PTPN1: variants seen among roughly 807,000 people sequenced by gnomAD.
The protein encoded by PTPN1 is tyrosine-protein phosphatase non-receptor type 1.
Under a neutral mutation model 59.9 loss-of-function variants are expected in PTPN1, and 12 were observed. That is an observed-to-expected ratio of 0.20 (90% CI 0.13 to 0.32). The LOEUF (loss-of-function observed/expected upper bound fraction) is 0.32. Among genes scored for constraint, PTPN1 ranks in the 10% least tolerant of loss-of-function variants. The pLI, the probability that PTPN1 is intolerant of heterozygous loss-of-function variation, is 1.00. For synonymous variants in PTPN1, 178 were observed against 203.6 expected (o/e 0.87, Z 1.07); for missense variants, 356 against 549.2 (o/e 0.65, Z 3.52).
chr20:50,547,605 G>T (rs149997336), intron 1 of PTPN1, among the ~76,000 whole-genome samples: 2 of 152,040 alleles, frequency 1.3e-5, no homozygotes, highest in South Asian at 2.1e-4. Context: ...CTTGTGATCC[G>T]CCTGCCTCGG....
chr20:50,580,063 G>A (rs1403456764), intron 8 of PTPN1, 137 bp downstream of exon 8: 5 of 781,678 alleles, frequency 6.4e-6, no homozygotes, highest in East Asian at 2.7e-5. Context: ...GGAACAGGGC[G>A]CGTGGACCAC....
rs762446257 is a variant in PTPN1 at position 50,574,608 on chromosome 20, T to G, written c.446T>G (p.Ile149Ser). 1.9e-6 allele frequency: 3 copies of G among 1,608,182 alleles called. No homozygotes were observed. The highest frequency in any genetic ancestry group is 1.7e-5 in the Admixed American group (1 of 58,522). The change falls in exon 5 of 10, where the codon ATC becomes AGC. Residue 149 changes from isoleucine to serine, a missense_variant. Ile to Ser is a moderately radical substitution (Grantham distance 142). This residue lies in a region of PTPN1 where 194 missense variants were observed against 344.2 expected (regional missense o/e 0.56). Transcript: ENST00000371621. ...NLKLTLISEDIKSYYTVRQLE... is the reference protein window; with the variant it reads ...NLKLTLISEDSKSYYTVRQLE... ...AAATTAACATTGATCTCTGAAGATATCAAGTCATATTATACAGTGCGACAG... is the reference window on the plus strand; with the variant it reads ...AAATTAACATTGATCTCTGAAGATAGCAAGTCATATTATACAGTGCGACAG...
intron 6 of PTPN1, among the ~76,000 whole-genome samples, chr20:50,578,834 T>A (rs1231749205): frequency 1.3e-5 from 2 of 152,236 alleles, no homozygotes; most frequent in African/African-American, 4.8e-5. Flanking sequence ...TTCTGCAGGC[T>A]GTACAAGCAT....
At chr20:50,529,037 T>C (rs2082589681) in intron 1 of PTPN1, among the ~76,000 whole-genome samples, 1 of 152,220 alleles carries the variant, frequency 6.6e-6, no homozygotes, top group Non-Finnish European at 1.5e-5. Context: ...GTGCCTTGCA[T>C]GGAATTGGAC....
At chr20:50,564,927 GC>G (rs1262175111) in intron 2 of PTPN1, 41 bp from the exon 3 acceptor site, 1 of 1,611,234 alleles carries the variant, frequency 6.2e-7, no homozygotes, top group Non-Finnish European at 8.5e-7. Context: ...TACACATTCA[GC>G]TTTTCCGGGA....
chr20:50,562,418 C>T (rs79368846), intron 2 of PTPN1, among the ~76,000 whole-genome samples: 2,345 of 152,202 alleles, frequency 0.015, 37 homozygotes, highest in Non-Finnish European at 0.018. Context: ...TGGTGTAGAA[C>T]GTGTGCCTCT....
At chr20:50,571,220 T>G (rs1487141685) in intron 4 of PTPN1, 1 of 152,292 alleles carries the variant, frequency 6.6e-6, no homozygotes, top group Admixed American at 6.5e-5. Flanking sequence ...GTGACAACCT[T>G]TCCCTTTGGG....
At chr20:50,545,847 C>G (rs181934758) in intron 1 of PTPN1, among the ~76,000 whole-genome samples, 47 of 151,768 alleles carry the variant, frequency 3.1e-4, no homozygotes, top group Non-Finnish European at 2.2e-4. Context: ...GAGACCCCCC[C>G]TCCCCCCGTC....
At position 50,582,028 on chromosome 20, in the gene PTPN1, C is replaced by T. The variant is rs1479727995; in HGVS notation, c.1284+568C>T. Among the ~76,000 whole-genome samples the T allele has an allele frequency of 6.6e-6, 1 of 152,234 alleles. No homozygotes were observed. The highest frequency in any genetic ancestry group is 1.5e-5 in the Non-Finnish European group (1 of 68,036). ...CAAGCCCCCCTCAGCTGTGTGCACACTGAGCCAGGACAGGGTCTTTGAGCT... is the reference window on the plus strand; with the variant it reads ...CAAGCCCCCCTCAGCTGTGTGCACATTGAGCCAGGACAGGGTCTTTGAGCT... On this transcript the variant is annotated intron_variant, in intron 9 of 9. Coordinates refer to ENST00000371621, the MANE Select transcript of PTPN1 (RefSeq NM_002827.4). The surrounding 1 kb of genome is among the most constrained non-coding windows in gnomAD (Gnocchi z 4.2).
At chr20:50,541,995 A>G (rs1601398063) in intron 1 of PTPN1, among the ~76,000 whole-genome samples, 1 of 152,292 alleles carries the variant, frequency 6.6e-6, no homozygotes, top group African/African-American at 2.4e-5. Context: ...TTCCCCTCTG[A>G]TCAGTACTTT....
At chr20:50,535,224 GGGTGTTACCTCCA>G (rs2082619214) in intron 1 of PTPN1, among the ~76,000 whole-genome samples, 1 of 152,152 alleles carries the variant, frequency 6.6e-6, no homozygotes, top group Admixed American at 6.5e-5. Context: ...CCATTGATGA[GGGTGTTACCTCCA>G]GATTCCTAAC....
intron 5 of PTPN1, among the ~76,000 whole-genome samples, chr20:50,575,840 T>C (rs754188878): frequency 6.6e-6 from 1 of 152,124 alleles, no homozygotes; most frequent in Non-Finnish European, 1.5e-5. Context: ...GGCAGGAGGA[T>C]TGCTTGTGCC....
intron 1 of PTPN1, among the ~76,000 whole-genome samples, chr20:50,520,571 A>G (rs1482045931): frequency 6.6e-6 from 1 of 152,170 alleles, no homozygotes; most frequent in Non-Finnish European, 1.5e-5. Context: ...TGGGCTGTGT[A>G]TAGGAAACCT....
intron 1 of PTPN1, among the ~76,000 whole-genome samples, chr20:50,516,020 C>T (rs1215928676): frequency 6.6e-6 from 1 of 152,192 alleles, no homozygotes; most frequent in Non-Finnish European, 1.5e-5. Context: ...TAAATTTGTG[C>T]TTGGCCTACG....
rs759986577 is a variant in PTPN1, at chr20:50,579,922, G to C, written c.1084G>C (p.Glu362Gln). Residue 362 changes from glutamate (E) to glutamine (Q), a missense_variant, in exon 8 of 10, where the codon GAA becomes CAA. Glu to Gln is a conservative substitution (Grantham distance 29, BLOSUM62 2). This residue lies in a region of PTPN1 where 100 missense variants were observed against 107.7 expected (regional missense o/e 0.93). Coordinates refer to ENST00000371621, the MANE Select transcript of PTPN1 (RefSeq NM_002827.4). ...SPLNAAPYGIESMSQDTEVRS... is the reference protein window; with the variant it reads ...SPLNAAPYGIQSMSQDTEVRS... ...CTTAAATGCCGCACCCTACGGCATC[G>C]AAAGGTAATATGATTGGGTCCCAGC... is the stretch of plus-strand genomic sequence containing the variant. 11 of 1,612,468 alleles carry C rather than the reference G, an allele frequency of 6.8e-6. No homozygotes were observed. The highest frequency in any genetic ancestry group is 8.5e-6 in the Non-Finnish European group (10 of 1,178,948).
chr20:50,542,197 A>G (rs2082656209), intron 1 of PTPN1, among the ~76,000 whole-genome samples: 1 of 152,224 alleles, frequency 6.6e-6, no homozygotes, highest in Admixed American at 6.5e-5. Flanking sequence ...TAATATACCT[A>G]GGGGATTGGG....
In PTPN1 at chr20:50,579,764, C is replaced by A; in HGVS notation, c.926C>A (p.Pro309His). 1 of 1,613,716 alleles carries A rather than the reference C, an allele frequency of 6.2e-7. No individual in the cohort carries two copies. The highest frequency in any genetic ancestry group is 8.5e-7 in the Non-Finnish European group (1 of 1,179,974). The stretch of plus-strand genomic sequence containing the variant: ...CCCCCACCCGAGCATATCCCCCCAC[C>A]TCCCCGGCCACCCAAACGAATCCTG... ...LEPPPEHIPPPPRPPKRILEP... is the reference protein window; with the variant it reads ...LEPPPEHIPPHPRPPKRILEP... The change falls in exon 8 of 10, where the codon CCT becomes CAT. Residue 309 changes from proline (P) to histidine (H), a missense_variant. By Grantham distance (77) the Pro-to-His change is moderately conservative. Around this residue, in one of 3 missense-constraint regions of PTPN1, gnomAD observed 100 missense variants for 107.7 expected, o/e 0.93. Coordinates refer to ENST00000371621, the MANE Select transcript of PTPN1 (RefSeq NM_002827.4).
intron 1 of PTPN1, among the ~76,000 whole-genome samples, chr20:50,555,240 C>T (rs954146728): frequency 1.3e-5 from 2 of 152,040 alleles, no homozygotes; most frequent in Non-Finnish European, 2.9e-5. Context: ...AAAAGACATA[C>T]AAATTAACAG....
chr20:50,516,650 T>C (rs1427111980), intron 1 of PTPN1, among the ~76,000 whole-genome samples: 1 of 152,152 alleles, frequency 6.6e-6, no homozygotes, highest in Non-Finnish European at 1.5e-5. Context: ...GGGCATGAAA[T>C]GTTTTTGATA....
Sources: allele counts gnomAD v4.1 joint callset (sites outside exome capture counted in the v4.1 genomes callset), GRCh38; gene constraint gnomAD v4.1.1; regional missense constraint gnomAD v4.1.1; non-coding constraint Gnocchi (gnomAD v3.1); transcripts MANE v1.5; gene names NCBI Gene and HGNC (gene_info 2026-07-23, HGNC 2026-07-21).